The following TBK1 variants were observed in gnomAD, a reference collection of about 807,000 sequenced individuals.
TBK1 encodes serine/threonine-protein kinase TBK1.
A neutral mutation model predicts 99.9 loss-of-function variants in TBK1; 37 were observed. The ratio of observed to expected loss-of-function variants is 0.37; its 90% CI spans 0.28 to 0.49. The LOEUF (loss-of-function observed/expected upper bound fraction) is 0.49, where lower values mean the gene tolerates loss of function less well. TBK1 is among the 20% of genes least tolerant of loss of function. The probability of loss-of-function intolerance (pLI) is 0.98; values close to 1 mark genes in which losing one functional copy is unlikely to be tolerated. For missense variants in TBK1, 644 were observed against 872.5 expected, an observed-to-expected ratio of 0.74 and a Z score of 3.30; for synonymous variants, 258 against 279.8, an observed-to-expected ratio of 0.92 and a Z score of 0.78.
chr12:64,455,730 G>A (rs576995422), intron 1 of TBK1, 110 bp from the exon 2 acceptor site: 31 of 622,722 alleles, frequency 5.0e-5, no homozygotes, highest in African/African-American at 5.0e-4. Context: ...TACACTTCAT[G>A]TCAGTAACAG....
rs2040772065 is a variant in TBK1, at chr12:64,481,961, T to C, written c.932T>C (p.Ile311Thr). Residue 311 changes from isoleucine to threonine, a missense_variant, in exon 8 of 21, where the codon ATT becomes ACT. By Grantham distance (89) the Ile-to-Thr change is moderately conservative (BLOSUM62 -1). Coordinates refer to ENST00000331710, the MANE Select transcript of TBK1 (RefSeq NM_013254.4). Reference protein sequence around the residue: ...ETSDILHRMVIHVFSLQQMTA... With the variant: ...ETSDILHRMVTHVFSLQQMTA... ...AGTGATATACTTCACCGAATGGTAA[T>C]TCATGTTTTTTCGCTACAACAAATG... 1.2e-6 allele frequency: 2 copies of C among 1,608,586 alleles called. No individual in the cohort carries two copies. Among genetic ancestry groups the C allele is most frequent in the African/African-American group, 1.3e-5 (1 of 74,526 alleles).
intron 13 of TBK1, among the ~76,000 whole-genome samples, chr12:64,494,693 G>T (rs1321739589): frequency 1.3e-5 from 2 of 152,142 alleles, no homozygotes; most frequent in East Asian, 3.8e-4. Context: ...TTGAAAAAAT[G>T]CTCAAATCCA....
intron 5 of TBK1, among the ~76,000 whole-genome samples, chr12:64,470,124 T>C (rs1197787050): frequency 2.0e-5 from 3 of 152,082 alleles, no homozygotes; most frequent in East Asian, 1.9e-4. Context: ...TGGAAGGACT[T>C]AGAATTAAAG....
chr12:64,474,486 G>T, intron 6 of TBK1, 96 bp downstream of exon 6: 3 of 1,192,482 alleles, frequency 2.5e-6, no homozygotes, highest in South Asian at 1.6e-5. Flanking sequence ...AATAAAAATT[G>T]ATTTAACAAT....
At chr12:64,495,241 TTACTG>T (rs1281152233) in intron 13 of TBK1, 48 of 337,010 alleles carry the variant, frequency 1.4e-4, no homozygotes, top group African/African-American at 9.2e-4. Flanking sequence ...AGAAGGGTGT[TTACTG>T]AATGAACTGT....
intron 3 of TBK1, among the ~76,000 whole-genome samples, chr12:64,462,083 T>A (rs1233175764): frequency 6.6e-6 from 1 of 152,288 alleles, no homozygotes; most frequent in Non-Finnish European, 1.5e-5. Context: ...AGTCCCCAGC[T>A]CCTTCCAGAA....
intron 6 of TBK1, among the ~76,000 whole-genome samples, chr12:64,478,399 C>T (rs1281964518): frequency 2.6e-5 from 4 of 152,196 alleles, no homozygotes; most frequent in Admixed American, 6.5e-5. Flanking sequence ...ATCTGCCCCC[C>T]GCCTTGGTCT....
intron 11 of TBK1, among the ~76,000 whole-genome samples, chr12:64,486,888 G>A (rs2040825951): frequency 6.6e-6 from 1 of 151,924 alleles, no homozygotes; most frequent in African/African-American, 2.4e-5. Flanking sequence ...CTCCATCTCC[G>A]CCTAAACAGC....
chr12:64,488,602 T>G lies in TBK1; in HGVS notation c.1442+14T>G, dbSNP rs775802545. ...AACTGTGAAAGTGTGAGTAGACTAC[T>G]TCCTTACTAGTAGGGGTTAAATTAT... is the stretch of plus-strand genomic sequence containing the variant. On this transcript the variant is annotated intron_variant, in intron 12 of 20. Transcript: ENST00000331710. 7 of 1,500,270 alleles carry G rather than the reference T, an allele frequency of 4.7e-6. No individual in the cohort carries two copies. The highest frequency in any genetic ancestry group is 6.4e-6 in the Non-Finnish European group (7 of 1,091,882). 92.9% of individuals were successfully genotyped at this position (1,500,270 alleles called of 1,614,324 possible).
rs537544724 is a variant in TBK1, at chr12:64,483,349, A to G, written c.993-954A>G. On this transcript the variant is annotated intron_variant, in intron 8 of 20. Coordinates refer to ENST00000331710, the MANE Select transcript of TBK1 (RefSeq NM_013254.4). ...ACACAGTGGAGGCTTGTAGAGCCAA[A>G]TTACAATATTGCTGCTGAAACATTT... 3.9e-5 allele frequency among the ~76,000 whole-genome samples: 6 copies of G among 152,352 alleles called. No individual in the cohort carries two copies. In the East Asian group the frequency reaches 1.2e-3, roughly 29 times the overall value.
Position 64,501,674 on chromosome 12 carries a change from T to C in TBK1, c.*293T>C, listed in dbSNP as rs1469368015. The C allele has an allele frequency of 1.2e-5, 3 of 259,212 alleles. No homozygotes were observed. The highest frequency in any genetic ancestry group is 8.9e-5 in the South Asian group (1 of 11,178). 16.1% of individuals were successfully genotyped at this position (259,212 alleles called of 1,614,324 possible). A position where few individuals can be genotyped will look rare whatever the true frequency, so the allele number is the denominator to read the frequency against. On this transcript the variant is annotated 3_prime_UTR_variant, in exon 21 of 21. Transcript: ENST00000331710. ...TGACATACTGATCCTCTACTCTGAG[T>C]GGGGCTAAATAAGTTATTTTCTCTG...
intron 6 of TBK1, among the ~76,000 whole-genome samples, chr12:64,478,415 A>C (rs1366752659): frequency 6.6e-6 from 1 of 152,168 alleles, no homozygotes; most frequent in African/African-American, 2.4e-5. Flanking sequence ...GGTCTCCCAA[A>C]GTGCTGGCAT....
At chr12:64,458,815 G>A (rs941667030) in intron 2 of TBK1, among the ~76,000 whole-genome samples, 1 of 152,064 alleles carries the variant, frequency 6.6e-6, no homozygotes, top group Non-Finnish European at 1.5e-5. Flanking sequence ...GCATAGATTT[G>A]GCAGTGTCTT....
At position 64,481,188 on chromosome 12, in the gene TBK1, G is replaced by A. The variant is rs1371018331; in HGVS notation, c.813-654G>A. The stretch of plus-strand genomic sequence containing the variant: ...GGAAATACTCATTTTGGGGATCTCA[G>A]GCAAAACTGATAAAGTGTAAAGGGC... On this transcript the variant is annotated intron_variant, in intron 7 of 20. Transcript: ENST00000331710. Among the ~76,000 whole-genome samples, 4 of 152,062 alleles carry A rather than the reference G, an allele frequency of 2.6e-5. No individual in the cohort carries two copies. In the East Asian group the frequency reaches 7.7e-4, roughly 29 times the overall value.
At chr12:64,498,452 T>A (rs2040952340) in intron 20 of TBK1, among the ~76,000 whole-genome samples, 1 of 152,244 alleles carries the variant, frequency 6.6e-6, no homozygotes, top group Admixed American at 6.5e-5. Context: ...GAGTTAGGTG[T>A]CTGCTTATTA....
intron 6 of TBK1, among the ~76,000 whole-genome samples, chr12:64,477,681 T>G (rs1447501975): frequency 6.6e-6 from 1 of 152,218 alleles, no homozygotes; most frequent in Non-Finnish European, 1.5e-5. Context: ...AGACTTCTAG[T>G]ACTATGTTGA....
intron 8 of TBK1, among the ~76,000 whole-genome samples, chr12:64,483,298 TAAAAAC>T (rs2040785856): frequency 2.6e-5 from 4 of 152,128 alleles, no homozygotes; most frequent in African/African-American, 4.8e-5. Context: ...ACACAAAAAT[TAAAAAC>T]AAAAAATTTT....
At chr12:64,477,346 G>T (rs974733360) in intron 6 of TBK1, among the ~76,000 whole-genome samples, 2 of 152,138 alleles carry the variant, frequency 1.3e-5, no homozygotes, top group South Asian at 4.1e-4. Flanking sequence ...TCTTTCAGCG[G>T]TGTTAGTTCT....
At chr12:64,476,954 C>T (rs2040720576) in intron 6 of TBK1, among the ~76,000 whole-genome samples, 1 of 152,110 alleles carries the variant, frequency 6.6e-6, no homozygotes, top group African/African-American at 2.4e-5. Context: ...TTTTTGTCAA[C>T]TTTGTCAAAG....
Sources: allele counts gnomAD v4.1 joint callset (sites outside exome capture counted in the v4.1 genomes callset), GRCh38; gene constraint gnomAD v4.1.1; transcripts MANE v1.5; gene names NCBI Gene and HGNC (gene_info 2026-07-23, HGNC 2026-07-21).